TEX2: variants seen among roughly 807,000 people sequenced by gnomAD.
TEX2 encodes testis expressed 2.
TEX2 carries 53 observed loss-of-function variants against 106.9 expected under a neutral mutation model. That is an observed-to-expected ratio of 0.50 (90% CI 0.40 to 0.62). The LOEUF is 0.62. TEX2 is among the 20% of genes least tolerant of loss of function. The probability of loss-of-function intolerance (pLI) is 0.00; values close to 1 mark genes in which losing one functional copy is unlikely to be tolerated. For missense variants in TEX2, 1,207 were observed against 1,379.0 expected (o/e 0.88, Z 1.98); for synonymous variants, 523 against 534.8 (o/e 0.98, Z 0.30).
At chr17:64,249,836 G>A (rs967369253) in intron 1 of TEX2, among the ~76,000 whole-genome samples, 1 of 152,076 alleles carries the variant, frequency 6.6e-6, no homozygotes, top group Non-Finnish European at 1.5e-5. Context: ...TTTGGTTTCT[G>A]GCTCAGAGCA....
At chr17:64,228,334 C>T (rs1267911179) in intron 1 of TEX2, among the ~76,000 whole-genome samples, 1 of 152,094 alleles carries the variant, frequency 6.6e-6, no homozygotes, top group Non-Finnish European at 1.5e-5. Context: ...ATTTATTGTG[C>T]ATTTCATTTC....
At chr17:64,190,913 G>A (rs1203912099) in intron 4 of TEX2, among the ~76,000 whole-genome samples, 2 of 152,184 alleles carry the variant, frequency 1.3e-5, no homozygotes, top group African/African-American at 4.8e-5. Flanking sequence ...AGGGCAGGTC[G>A]TCGAGCAGGA....
chr17:64,173,948 C>T (rs1019099695), intron 6 of TEX2, among the ~76,000 whole-genome samples: 40 of 152,054 alleles, frequency 2.6e-4, no homozygotes, highest in Admixed American at 2.6e-3. Context: ...TGGGGTGAAG[C>T]GATCCTCCCA....
intron 1 of TEX2, among the ~76,000 whole-genome samples, chr17:64,243,700 T>C (rs1046296934): frequency 4.5e-4 from 68 of 152,282 alleles, no homozygotes; most frequent in African/African-American, 1.6e-3. Flanking sequence ...AACACACACA[T>C]GCATGCAAGT....
intron 1 of TEX2, among the ~76,000 whole-genome samples, chr17:64,231,286 T>C (rs999976118): frequency 2.0e-5 from 3 of 152,208 alleles, no homozygotes; most frequent in Non-Finnish European, 4.4e-5. Context: ...GTTCTTACTC[T>C]GTACAAACAT....
intron 1 of TEX2, among the ~76,000 whole-genome samples, chr17:64,226,220 A>G (rs1032991335): frequency 1.3e-5 from 2 of 152,098 alleles, no homozygotes; most frequent in African/African-American, 4.8e-5. Flanking sequence ...TCCCGTCCCT[A>G]TTGGTTCTAC....
chr17:64,179,881 G>C (rs1456435956), intron 5 of TEX2, among the ~76,000 whole-genome samples: 1 of 152,146 alleles, frequency 6.6e-6, no homozygotes, highest in Admixed American at 6.5e-5. Context: ...GGCTTTTCGA[G>C]TGCTGTGACG....
intron 2 of TEX2, among the ~76,000 whole-genome samples, chr17:64,211,320 A>G (rs1429576541): frequency 6.6e-6 from 1 of 152,176 alleles, no homozygotes; most frequent in Non-Finnish European, 1.5e-5. Flanking sequence ...CAGAGCCTGA[A>G]TCTCCTCATG....
intron 8 of TEX2, among the ~76,000 whole-genome samples, chr17:64,157,213 T>C (rs959627455): frequency 1.3e-5 from 2 of 152,218 alleles, no homozygotes. Context: ...CCACACTTAC[T>C]TGTAGAAGAC....
intron 1 of TEX2, among the ~76,000 whole-genome samples, chr17:64,219,508 C>CAAATAAAATA (rs3071506): frequency 0.061 from 8,167 of 134,844 alleles, 327 homozygotes; most frequent in East Asian, 0.1. Context: ...TCCATCTCAT[C>CAAATAAAATA]AAATAAAATA....
intron 1 of TEX2, among the ~76,000 whole-genome samples, chr17:64,228,929 TACACAC>T (rs57741930): frequency 0.029 from 4,205 of 146,694 alleles, 90 homozygotes; most frequent in African/African-American, 0.055. Context: ...GACTGACAGG[TACACAC>T]ACACACACAC....
At chr17:64,202,147 T>C (rs1381606389) in intron 2 of TEX2, among the ~76,000 whole-genome samples, 1 of 152,182 alleles carries the variant, frequency 6.6e-6, no homozygotes, top group Non-Finnish European at 1.5e-5. Flanking sequence ...CCAAAGATTT[T>C]CAGGACAGAA....
intron 5 of TEX2, among the ~76,000 whole-genome samples, chr17:64,183,335 CTG>C (rs2031953501): frequency 1.3e-5 from 2 of 152,222 alleles, no homozygotes; most frequent in Non-Finnish European, 1.5e-5. Flanking sequence ...TATGGTGACT[CTG>C]TTTAACTTTT....
At position 64,213,045 on chromosome 17, in the gene TEX2, C is replaced by G; in HGVS notation, c.1173G>C (p.Lys391Asn). 1.9e-6 allele frequency: 3 copies of G among 1,614,220 alleles called. No homozygotes were observed. Among genetic ancestry groups the G allele is most frequent in the Non-Finnish European group, 2.5e-6 (3 of 1,180,044 alleles). Residue 391 changes from lysine to asparagine, a missense_variant, in exon 2 of 12, where the codon AAG (lysine) becomes AAC (asparagine). Transcript: ENST00000584379. This position sits in a 1 kb window ranked among gnomAD's most constrained non-coding sequence, Gnocchi z 4.4. ...ELKSSQGSSL[K>N]DLGLKTSSLV... ...GAGAACTTGTCTTCAGGCCTAAATC[C>G]TTCAGACTGCTCCCCTGGGAACTTT...
chr17:64,165,298 T>C (rs781646302), intron 7 of TEX2, among the ~76,000 whole-genome samples: 7 of 152,234 alleles, frequency 4.6e-5, no homozygotes, highest in Non-Finnish European at 8.8e-5. Flanking sequence ...TCTTTGATGA[T>C]AGACATCATT....
intron 6 of TEX2, among the ~76,000 whole-genome samples, chr17:64,176,397 C>T (rs967805671): frequency 2.0e-5 from 3 of 152,104 alleles, no homozygotes; most frequent in African/African-American, 7.2e-5. Context: ...AAATAATGGG[C>T]AAAATTTTGT....
At chr17:64,201,626 C>T (rs964325455) in intron 2 of TEX2, among the ~76,000 whole-genome samples, 1 of 152,106 alleles carries the variant, frequency 6.6e-6, no homozygotes, top group South Asian at 2.1e-4. Flanking sequence ...GTGTGGGATG[C>T]TACCTCAGCT....
chr17:64,187,103 T>A (rs550853477), intron 5 of TEX2, among the ~76,000 whole-genome samples: 1 of 152,304 alleles, frequency 6.6e-6, no homozygotes, highest in South Asian at 2.1e-4. Flanking sequence ...CCTGTCTAGT[T>A]TGCAGGACTG....
At chr17:64,255,028 C>CTTTTTTTTTTTTT (rs566755382) in intron 1 of TEX2, among the ~76,000 whole-genome samples, 1 of 132,488 alleles carries the variant, frequency 7.5e-6, no homozygotes, top group Non-Finnish European at 1.6e-5. Context: ...CTGCATCTGG[C>CTTTTTTTTTTTTT]TTTTTTTTTT....
Sources: allele counts gnomAD v4.1 joint callset (sites outside exome capture counted in the v4.1 genomes callset), GRCh38; gene constraint gnomAD v4.1.1; non-coding constraint Gnocchi (gnomAD v3.1); transcripts MANE v1.5; gene names NCBI Gene and HGNC (gene_info 2026-07-23, HGNC 2026-07-21).